NYAP2: variants seen among roughly 807,000 people sequenced by gnomAD.
NYAP2 encodes neuronal tyrosine-phosphorylated phosphoinositide-3-kinase adaptor 2.
A neutral mutation model predicts 50.4 loss-of-function variants in NYAP2; 23 were observed. The ratio of observed to expected loss-of-function variants is 0.46; its 90% CI spans 0.33 to 0.65. The LOEUF is 0.65. Among genes scored for constraint, NYAP2 ranks in the 30% least tolerant of loss-of-function variants. The probability of loss-of-function intolerance (pLI) is 0.02; values close to 1 mark genes in which losing one functional copy is unlikely to be tolerated. For missense variants in NYAP2, 885 were observed against 861.0 expected (o/e 1.03, Z -0.35); for synonymous variants, 394 against 365.2 (o/e 1.08, Z -0.90).
rs144829571 is a variant in NYAP2, at chr2:225,504,954, G to C, written c.222-8417G>C. Among the ~76,000 whole-genome samples, 157 of 151,644 alleles carry C rather than the reference G, an allele frequency of 1.0e-3. 3 individuals carry two copies. In the East Asian group the frequency reaches 0.028, roughly 27 times the overall value. On this transcript the variant is annotated intron_variant, in intron 3 of 6. Transcript: ENST00000636099. The stretch of plus-strand genomic sequence containing the variant: ...ACCTGGGAGGCAGAGGTTGCAGTGA[G>C]CCAAGATTGCACCACTGCGCTCCAG...
the NYAP2 span, among the ~76,000 whole-genome samples, chr2:225,695,166 T>A: frequency 2.0e-5 from 3 of 151,908 alleles, no homozygotes; most frequent in South Asian, 6.2e-4. Context: ...ATTTTATGGA[T>A]AATACAGTAC....
At chr2:225,561,630 A>G (rs1384867453) in intron 4 of NYAP2, among the ~76,000 whole-genome samples, 4 of 152,120 alleles carry the variant, frequency 2.6e-5, no homozygotes, top group Non-Finnish European at 4.4e-5. Context: ...GAGGAAACAC[A>G]GAGGCATAGA....
chr2:225,500,611 T>C (rs536258385), intron 3 of NYAP2, among the ~76,000 whole-genome samples: 1 of 152,358 alleles, frequency 6.6e-6, no homozygotes, highest in Admixed American at 6.5e-5. Flanking sequence ...ATTTAGAGCA[T>C]TATTTCATTA....
intron 5 of NYAP2, among the ~76,000 whole-genome samples, chr2:225,594,322 G>C (rs906705946): frequency 4.6e-5 from 7 of 152,034 alleles, no homozygotes; most frequent in Non-Finnish European, 1.0e-4. Flanking sequence ...TCAGGAGTTT[G>C]AGACCAGCCT....
chr2:225,703,197 TA>T, the NYAP2 span: 1 of 151,706 alleles, frequency 6.6e-6, no homozygotes, highest in Non-Finnish European at 1.5e-5. Context: ...GAAGATGATA[TA>T]AAAATAATAT....
At chr2:225,521,528 T>A (rs61197174) in intron 4 of NYAP2, among the ~76,000 whole-genome samples, 45,767 of 151,720 alleles carry the variant, frequency 0.3, 7,034 homozygotes, top group South Asian at 0.48. Context: ...TCTATTGAGA[T>A]AATCATGTGG....
intron 4 of NYAP2, among the ~76,000 whole-genome samples, chr2:225,542,095 A>C (rs1281469567): frequency 6.6e-6 from 1 of 152,152 alleles, no homozygotes; most frequent in East Asian, 1.9e-4. Flanking sequence ...GGCATATAGA[A>C]ATGCTACTGA....
At chr2:225,672,142 C>A in the NYAP2 span, among the ~76,000 whole-genome samples, 30 of 152,234 alleles carry the variant, frequency 2.0e-4, no homozygotes, top group Middle Eastern at 6.8e-3. Flanking sequence ...CCTTTGAAAC[C>A]AGGTATTGAC....
At chr2:225,565,194 C>T (rs574837826) in intron 4 of NYAP2, among the ~76,000 whole-genome samples, 2 of 152,042 alleles carry the variant, frequency 1.3e-5, no homozygotes, top group Admixed American at 1.3e-4. Flanking sequence ...CATGCATATG[C>T]TGTGATTTAC....
In NYAP2 at chr2:225,408,849, GT is replaced by G; in HGVS notation, c.-17-13del. The G allele has an allele frequency of 6.8e-7, 1 of 1,461,172 alleles. No homozygotes were observed. Among genetic ancestry groups the G allele is most frequent in the Non-Finnish European group, 9.6e-7 (1 of 1,045,870 alleles). 90.5% of individuals were successfully genotyped at this position (1,461,172 alleles called of 1,614,324 possible). A position where few individuals can be genotyped will look rare whatever the true frequency, so the allele number is the denominator to read the frequency against. Reference sequence around the variant, plus strand: ...CCCACCCTGGATAAAAGTAAAATGTGTTCTCACCCTGCAGGCAGTGTTCCTC... The same window carrying G: ...CCCACCCTGGATAAAAGTAAAATGTGTCTCACCCTGCAGGCAGTGTTCCTC... On this transcript the variant is annotated splice_polypyrimidine_tract_variant and intron_variant, in intron 2 of 6. Coordinates refer to ENST00000636099, the Ensembl canonical transcript of NYAP2.
At chr2:225,580,673 T>G (rs553460571) in intron 4 of NYAP2, among the ~76,000 whole-genome samples, 1 of 152,182 alleles carries the variant, frequency 6.6e-6, no homozygotes, top group Admixed American at 6.5e-5. Flanking sequence ...GAAGTCTCAG[T>G]TGATGGATGG....
At chr2:225,616,678 G>A (rs1692997325) in intron 5 of NYAP2, among the ~76,000 whole-genome samples, 1 of 152,074 alleles carries the variant, frequency 6.6e-6, no homozygotes, top group Non-Finnish European at 1.5e-5. Flanking sequence ...TTGAGCCAAG[G>A]TTTCCCATGA....
At chr2:225,534,285 G>A (rs912274505) in intron 4 of NYAP2, among the ~76,000 whole-genome samples, 1 of 152,166 alleles carries the variant, frequency 6.6e-6, no homozygotes, top group Non-Finnish European at 1.5e-5. Flanking sequence ...AATACTAACC[G>A]TAGCCATTGG....
At chr2:225,448,306 A>G (rs1388056170) in intron 3 of NYAP2, among the ~76,000 whole-genome samples, 1 of 152,028 alleles carries the variant, frequency 6.6e-6, no homozygotes, top group East Asian at 1.9e-4. Context: ...AGAATGTGAC[A>G]TGGCTGTGAT....
At chr2:225,554,316 T>C (rs1691735197) in intron 4 of NYAP2, among the ~76,000 whole-genome samples, 3 of 150,526 alleles carry the variant, frequency 2.0e-5, no homozygotes, top group South Asian at 4.2e-4. Context: ...TCAGAAAACA[T>C]TTATCTTTTT....
intron 3 of NYAP2, among the ~76,000 whole-genome samples, chr2:225,475,646 C>A (rs1690090272): frequency 1.3e-5 from 2 of 152,298 alleles, no homozygotes; most frequent in East Asian, 3.9e-4. Flanking sequence ...AGTTTCATAT[C>A]TGAAAATAAA....
At chr2:225,576,199 T>G (rs1039316704) in intron 4 of NYAP2, among the ~76,000 whole-genome samples, 2 of 152,226 alleles carry the variant, frequency 1.3e-5, no homozygotes, top group Non-Finnish European at 2.9e-5. Context: ...CACTTGACTT[T>G]TTGACCACAC....
At chr2:225,640,964 G>A (rs1014406876) in intron 6 of NYAP2, among the ~76,000 whole-genome samples, 19 of 152,084 alleles carry the variant, frequency 1.2e-4, no homozygotes, top group South Asian at 2.1e-4. Flanking sequence ...ATTCTATTGG[G>A]GAAAACAATT....
At chr2:225,672,960 A>G in the NYAP2 span, among the ~76,000 whole-genome samples, 7 of 152,152 alleles carry the variant, frequency 4.6e-5, no homozygotes, top group South Asian at 1.5e-3. Context: ...ATAAACAGAT[A>G]TAATGTTTTA....
Sources: gnomAD v4.1 joint callset for allele counts (sites outside exome capture counted in the v4.1 genomes callset) on GRCh38, gnomAD v4.1.1 for gene constraint, MANE v1.5 for transcripts, NCBI Gene and HGNC (gene_info 2026-07-23, HGNC 2026-07-21) for gene names.